The following TRPV4 variants were observed in gnomAD, a reference collection of about 807,000 sequenced individuals.
TRPV4 encodes transient receptor potential cation channel subfamily V member 4.
In TRPV4, 58 loss-of-function variants were observed where a neutral mutation model predicts 84.1. The ratio of observed to expected loss-of-function variants is 0.69; its 90% CI spans 0.56 to 0.86. The LOEUF is 0.86. Among genes scored for constraint, TRPV4 ranks in the 40% least tolerant of loss-of-function variants. TRPV4 has a pLI of 0.00. For missense variants in TRPV4, 879 were observed against 1,181.1 expected, an observed-to-expected ratio of 0.74 and a Z score of 3.75; for synonymous variants, 489 against 500.9, an observed-to-expected ratio of 0.98 and a Z score of 0.32.
At chr12:109,801,036 C>G (rs1408409701) in intron 4 of TRPV4, among the ~76,000 whole-genome samples, 3 of 152,192 alleles carry the variant, frequency 2.0e-5, no homozygotes, top group African/African-American at 7.2e-5. Flanking sequence ...CTAGAGGAGG[C>G]CAGGCGCAGG....
In TRPV4 at chr12:109,798,808, G is replaced by T; in HGVS notation, c.958C>A (p.Arg320=). 1.2e-6 allele frequency: 2 copies of T among 1,614,156 alleles called. No homozygotes were observed. Among genetic ancestry groups the T allele is most frequent in the East Asian group, 2.2e-5 (1 of 44,876 alleles). ...KKADMRRQDS[R]GNTVLHALVA... ...AGCGCATGCAGCACTGTGTTGCCTC[G>T]CGAGTCCTGGCGCCGCATGTCCGCC... is the stretch of plus-strand genomic sequence containing the variant. The change falls in exon 6 of 16, where the codon CGA becomes AGA. Residue 320 remains arginine (R), a synonymous_variant. Coordinates refer to ENST00000261740, the MANE Select transcript of TRPV4 (RefSeq NM_021625.5). This position sits in a 1 kb window ranked among gnomAD's most constrained non-coding sequence, Gnocchi z 5.0.
rs2136483803 is a variant in TRPV4 at position 109,794,363 on chromosome 12, G to T, written c.1457C>A (p.Thr486Asn). 1 of 1,613,306 alleles carries T rather than the reference G, an allele frequency of 6.2e-7. No homozygotes were observed. Among genetic ancestry groups the T allele is most frequent in the Non-Finnish European group, 8.5e-7 (1 of 1,180,030 alleles). The change falls in exon 8 of 16, where the codon ACT becomes AAT. Residue 486 changes from threonine to asparagine, a missense_variant. Physicochemically the swap from Thr to Asn is moderately conservative, Grantham distance 65 (BLOSUM62 0). This residue lies in a region of TRPV4 where 521 missense variants were observed against 686.6 expected (regional missense o/e 0.76). Coordinates refer to ENST00000261740, the MANE Select transcript of TRPV4 (RefSeq NM_021625.5). ...VSYLCAMVIF[T>N]LTAYYQPLEG... ...CAGCGGCTGGTAGTAGGCGGTGAGA[G>T]TGAAGATGACCATGGCACACAGGTA... is the stretch of plus-strand genomic sequence containing the variant.
At position 109,792,596 on chromosome 12, in the gene TRPV4, G is replaced by A. The variant is rs566585675; in HGVS notation, c.1824+56C>T. 110 of 1,605,954 alleles carry A rather than the reference G, an allele frequency of 6.8e-5. No individual in the cohort carries two copies. In the South Asian group the frequency reaches 1.0e-3, roughly 15 times the overall value. Reference sequence around the variant, plus strand: ...GCAGGTGCATAAGTGTGCATGTGGTGTGTGTGTGACTCCCTCCAGGAACAC... The same window carrying A: ...GCAGGTGCATAAGTGTGCATGTGGTATGTGTGTGACTCCCTCCAGGAACAC... On this transcript the variant is annotated intron_variant, in intron 11 of 15. Transcript: ENST00000261740.
chr12:109,793,794 A>G lies in TRPV4; in HGVS notation c.1584+136T>C. On this transcript the variant is annotated intron_variant, in intron 9 of 15. Coordinates refer to ENST00000261740, the MANE Select transcript of TRPV4 (RefSeq NM_021625.5). This position sits in a 1 kb window ranked among gnomAD's most constrained non-coding sequence, Gnocchi z 4.0. Reference sequence around the variant, plus strand: ...TGGGATTGGAGGAGGTAGAAGAGAAATGGGAAAATAAAAGGAGGAAGGAAA... The same window carrying G: ...TGGGATTGGAGGAGGTAGAAGAGAAGTGGGAAAATAAAAGGAGGAAGGAAA... 1 of 849,232 alleles carries G rather than the reference A, an allele frequency of 1.2e-6. No homozygotes were observed. Among genetic ancestry groups the G allele is most frequent in the Non-Finnish European group, 2.0e-6 (1 of 509,616 alleles). 52.6% of individuals were successfully genotyped at this position (849,232 alleles called of 1,614,324 possible). A position where few individuals can be genotyped will look rare whatever the true frequency, so the allele number is the denominator to read the frequency against.
chr12:109,785,917 G>A (rs1441635218), intron 14 of TRPV4, among the ~76,000 whole-genome samples: 2 of 152,100 alleles, frequency 1.3e-5, no homozygotes, highest in African/African-American at 4.8e-5. Context: ...GGAGGCTGAG[G>A]TGGGAGGATC....
Position 109,798,511 on chromosome 12 carries a change from G to A in TRPV4, c.1152+103C>T, listed in dbSNP as rs1228542329. The A allele has an allele frequency of 2.1e-6, 3 of 1,420,618 alleles. No homozygotes were observed. The highest frequency in any genetic ancestry group is 1.2e-5 in the South Asian group (1 of 82,858). The allele number at this position is 1,420,618 out of a possible 1,614,324, so 88.0% of individuals were successfully genotyped here. On this transcript the variant is annotated intron_variant, in intron 6 of 15. Coordinates refer to ENST00000261740, the MANE Select transcript of TRPV4 (RefSeq NM_021625.5). This position sits in a 1 kb window ranked among gnomAD's most constrained non-coding sequence, Gnocchi z 5.0. The stretch of plus-strand genomic sequence containing the variant: ...CACACTGGGGTTGGCATGTTGGGAG[G>A]TGCATGCACGTATTAATAATGAATA...
intron 1 of TRPV4, among the ~76,000 whole-genome samples, chr12:109,829,762 C>T (rs1019952506): frequency 1.3e-5 from 2 of 152,190 alleles, no homozygotes; most frequent in Non-Finnish European, 2.9e-5. Flanking sequence ...GCTCCTCCAG[C>T]GGGGAATAGC....
rs371979111 is a variant in TRPV4, at chr12:109,813,142, T to C, written c.386+1269A>G. Among the ~76,000 whole-genome samples the C allele has an allele frequency of 9.8e-4, 150 of 152,324 alleles. 1 individual carries two copies. The highest frequency in any genetic ancestry group is 3.5e-3 in the African/African-American group (147 of 41,574). On this transcript the variant is annotated intron_variant, in intron 2 of 15. Coordinates refer to ENST00000261740, the MANE Select transcript of TRPV4 (RefSeq NM_021625.5). ...TAAAAAAAGATGAGGCGGGATGCGGTGGCTCACACCTATAATCCCAGCACT... is the reference window on the plus strand; with the variant it reads ...TAAAAAAAGATGAGGCGGGATGCGGCGGCTCACACCTATAATCCCAGCACT...
intron 12 of TRPV4, among the ~76,000 whole-genome samples, chr12:109,789,291 A>G (rs1293844148): frequency 6.6e-6 from 1 of 152,132 alleles, no homozygotes; most frequent in Non-Finnish European, 1.5e-5. Flanking sequence ...GACACCCTAC[A>G]ATGCACAGGA....
rs1309626971 is a variant in TRPV4, at chr12:109,783,590, G to A, written c.*31C>T. ...AAATGCGGCTGGACTAGAAATGAGT[G>A]GGCAGAGAAGCTGGGGCTGGGCTGC... On this transcript the variant is annotated 3_prime_UTR_variant, in exon 16 of 16. Transcript: ENST00000261740. The surrounding 1 kb of genome is among the most constrained non-coding windows in gnomAD (Gnocchi z 4.6). 2 of 1,605,638 alleles carry A rather than the reference G, an allele frequency of 1.2e-6. No homozygotes were observed. Among genetic ancestry groups the A allele is most frequent in the South Asian group, 1.1e-5 (1 of 90,016 alleles).
At chr12:109,826,754 G>C (rs749738476) in intron 1 of TRPV4, among the ~76,000 whole-genome samples, 7 of 152,204 alleles carry the variant, frequency 4.6e-5, no homozygotes, top group Non-Finnish European at 1.0e-4. Context: ...TTGCCATTTA[G>C]TAACTGCGTG....
At chr12:109,825,998 G>A (rs1477172433) in intron 1 of TRPV4, among the ~76,000 whole-genome samples, 1 of 152,128 alleles carries the variant, frequency 6.6e-6, no homozygotes, top group Non-Finnish European at 1.5e-5. Flanking sequence ...TACCCTCCAT[G>A]GCACACTTCA....
At chr12:109,827,943 C>T (rs1892313114) in intron 1 of TRPV4, among the ~76,000 whole-genome samples, 1 of 152,118 alleles carries the variant, frequency 6.6e-6, no homozygotes. Flanking sequence ...CACACGTACA[C>T]AAACACACAC....
At chr12:109,828,294 A>C (rs901279554) in intron 1 of TRPV4, among the ~76,000 whole-genome samples, 4 of 152,134 alleles carry the variant, frequency 2.6e-5, no homozygotes, top group African/African-American at 9.7e-5. Flanking sequence ...TGCTCAGAGA[A>C]GTGATGTAAC....
chr12:109,801,689 G>T (rs750010540), intron 4 of TRPV4, among the ~76,000 whole-genome samples: 1 of 152,026 alleles, frequency 6.6e-6, no homozygotes, highest in Non-Finnish European at 1.5e-5. Context: ...AATTAGCCTG[G>T]CATGGTGGTC....
chr12:109,794,614 G>T, intron 7 of TRPV4, 127 bp from the exon 8 acceptor site: 1 of 1,004,266 alleles, frequency 1.0e-6, no homozygotes, highest in Non-Finnish European at 1.5e-6. Context: ...CCATTCCTCA[G>T]CTGCATTCAC....
rs11068290 is a variant in TRPV4, at chr12:109,790,250, C to T, written c.1892-1534G>A. 0.024 allele frequency among the ~76,000 whole-genome samples: 3,677 copies of T among 152,340 alleles called. 381 individuals carry two copies. In the East Asian group the frequency reaches 0.36, roughly 15 times the overall value. On this transcript the variant is annotated intron_variant, in intron 12 of 15. Coordinates refer to ENST00000261740, the MANE Select transcript of TRPV4 (RefSeq NM_021625.5). ...CAGATTCCTGTGCCAGGCTCGTCCC[C>T]AGATGAACCTGCTCAGATGTGTATG...
chr12:109,827,837 TACACATACACATATAGACATACATATAC>T, intron 1 of TRPV4, among the ~76,000 whole-genome samples: 1 of 150,926 alleles, frequency 6.6e-6, no homozygotes, highest in Non-Finnish European at 1.5e-5. Flanking sequence ...TATACACATA[TACACATACACATATAGACATACATATAC>T]ACACATACAC....
Position 109,814,106 on chromosome 12 carries a change from G to C in TRPV4, c.386+305C>G, listed in dbSNP as rs150924929. 3.3e-5 allele frequency among the ~76,000 whole-genome samples: 5 copies of C among 152,034 alleles called. No homozygotes were observed. The highest frequency in any genetic ancestry group is 1.2e-4 in the African/African-American group (5 of 41,366). On this transcript the variant is annotated intron_variant, in intron 2 of 15. Transcript: ENST00000261740. This position sits in a 1 kb window ranked among gnomAD's most constrained non-coding sequence, Gnocchi z 5.4. ...GGAGAGATGAATGGATCGATGGATA[G>C]ATGTATGGATGGTTGGATGGATGGA...
Sources: gnomAD v4.1 joint callset for allele counts (sites outside exome capture counted in the v4.1 genomes callset) on GRCh38, gnomAD v4.1.1 for gene constraint, gnomAD v4.1.1 regional missense constraint, Gnocchi (gnomAD v3.1) non-coding constraint, MANE v1.5 for transcripts, NCBI Gene and HGNC (gene_info 2026-07-23, HGNC 2026-07-21) for gene names.